The following SNTG2 variants were observed in gnomAD, a reference collection of about 807,000 sequenced individuals.
SNTG2 encodes gamma-2-syntrophin.
A neutral mutation model predicts 70.9 loss-of-function variants in SNTG2; 74 were observed. That is an observed-to-expected ratio of 1.04 (90% CI 0.86 to 1.27). The LOEUF (loss-of-function observed/expected upper bound fraction) is 1.27, where lower values mean the gene tolerates loss of function less well. Among genes scored for constraint, SNTG2 ranks in the 50% most tolerant of loss-of-function variants. SNTG2 has a pLI of 0.00. For missense variants in SNTG2, 717 were observed against 690.7 expected, an observed-to-expected ratio of 1.04 and a Z score of -0.43; for synonymous variants, 278 against 273.8, an observed-to-expected ratio of 1.02 and a Z score of -0.15.
chr2:1,331,583 A>T (rs1247745458), intron 16 of SNTG2, among the ~76,000 whole-genome samples: 1 of 152,114 alleles, frequency 6.6e-6, no homozygotes, highest in African/African-American at 2.4e-5. Flanking sequence ...TGGGTCTGAG[A>T]GTCCCACCCA....
chr2:1,342,014 TTTA>T (rs1660124860), intron 16 of SNTG2, among the ~76,000 whole-genome samples: 1 of 152,078 alleles, frequency 6.6e-6, no homozygotes, highest in African/African-American at 2.4e-5. Context: ...CCCAGCCTGT[TTTA>T]TTTTCTTTTA....
intron 9 of SNTG2, among the ~76,000 whole-genome samples, chr2:1,229,261 G>A (rs547960750): frequency 2.6e-5 from 4 of 152,184 alleles, no homozygotes; most frequent in East Asian, 1.9e-4. Flanking sequence ...TGATTGGTGC[G>A]TTTACAATCC....
rs1666283924 is a variant in SNTG2 at position 1,109,278 on chromosome 2, C to G, written c.325+10868C>G. Among the ~76,000 whole-genome samples the G allele has an allele frequency of 2.0e-5, 3 of 152,068 alleles. No individual in the cohort carries two copies. In the South Asian group the frequency reaches 6.2e-4, roughly 32 times the overall value. ...AAATGAGGAAGAATGAAGCTCTCCT[C>G]TATGACTGGATGGAATTTACATGTG... On this transcript the variant is annotated intron_variant, in intron 4 of 16. Transcript: ENST00000308624.
Position 1,237,916 on chromosome 2 carries a change from G to A in SNTG2, c.748G>A (p.Asp250Asn), listed in dbSNP as rs748022480. The change falls in exon 10 of 17, where the codon GAC becomes AAC. Residue 250 changes from aspartate to asparagine, a missense_variant. Asp to Asn is a conservative substitution (Grantham distance 23, BLOSUM62 1). Transcript: ENST00000308624. ...GAATGCGTTCGAGGTGCTCGCCCTG[G>A]ACGGAGTCAGCTCTGGGATCCTCCG... is the stretch of plus-strand genomic sequence containing the variant. ...RWNAFEVLALDGVSSGILRFY... is the reference protein window; with the variant it reads ...RWNAFEVLALNGVSSGILRFY... 6 of 1,606,070 alleles carry A rather than the reference G, an allele frequency of 3.7e-6. No homozygotes were observed. The Admixed American group carries it at 8.5e-5, about 23-fold the overall frequency.
At chr2:968,734 G>C (rs1389945160) in intron 1 of SNTG2, among the ~76,000 whole-genome samples, 1 of 151,886 alleles carries the variant, frequency 6.6e-6, no homozygotes, top group Non-Finnish European at 1.5e-5. Flanking sequence ...TTTGCTTATT[G>C]ATCTGTTGAA....
At chr2:1,262,645 A>G (rs1321439287) in intron 13 of SNTG2, among the ~76,000 whole-genome samples, 2 of 152,112 alleles carry the variant, frequency 1.3e-5, no homozygotes, top group African/African-American at 4.8e-5. Context: ...GGCTCAGTCC[A>G]GACGTAGTAA....
intron 16 of SNTG2, among the ~76,000 whole-genome samples, chr2:1,318,568 C>G (rs1352831315): frequency 6.6e-6 from 1 of 152,248 alleles, no homozygotes; most frequent in African/African-American, 2.4e-5. Context: ...AGTGCCTGAG[C>G]AGGCAAGGCG....
chr2:1,316,501 C>T (rs1350607435), intron 16 of SNTG2, 126 bp downstream of exon 16: 8 of 232,668 alleles, frequency 3.4e-5, no homozygotes, highest in South Asian at 1.0e-4. Flanking sequence ...TCCTGAAGCA[C>T]GAGTCCTTCC....
intron 1 of SNTG2, among the ~76,000 whole-genome samples, chr2:956,274 C>T (rs1337346017): frequency 6.8e-6 from 1 of 147,386 alleles, no homozygotes; most frequent in East Asian, 2.1e-4. Context: ...CCTGCCCTGC[C>T]CCTGCACCTC....
rs1185632075 is a variant in SNTG2, at chr2:1,284,196, AT to A, written c.1284+16628del. On this transcript the variant is annotated intron_variant, in intron 14 of 16. Coordinates refer to ENST00000308624, the MANE Select transcript of SNTG2 (RefSeq NM_018968.4). ...TAAGAGCGCTGGTGGTAATGTTTCT[AT>A]TTCTGCTCCGTCATTCATTTCAGGG... Among the ~76,000 whole-genome samples, 9 of 152,276 alleles carry A rather than the reference AT, an allele frequency of 5.9e-5. No individual in the cohort carries two copies. In the East Asian group the frequency reaches 9.7e-4, roughly 16 times the overall value.
chr2:1,198,019 C>T (rs1026770918), intron 8 of SNTG2, among the ~76,000 whole-genome samples: 3 of 152,012 alleles, frequency 2.0e-5, no homozygotes, highest in East Asian at 1.9e-4. Context: ...CAGATATTTA[C>T]AGAATTTTTT....
intron 9 of SNTG2, among the ~76,000 whole-genome samples, chr2:1,224,801 A>G (rs1675658741): frequency 6.6e-6 from 1 of 152,138 alleles, no homozygotes; most frequent in South Asian, 2.1e-4. Flanking sequence ...GCCTCACTCT[A>G]TGGCTCATTT....
intron 6 of SNTG2, among the ~76,000 whole-genome samples, chr2:1,149,672 GTTTTTT>G (rs1221169268): frequency 6.8e-6 from 1 of 146,470 alleles, no homozygotes; most frequent in Non-Finnish European, 1.5e-5. Context: ...GTTGATTAGC[GTTTTTT>G]TTTTTTTTTT....
intron 1 of SNTG2, among the ~76,000 whole-genome samples, chr2:1,004,248 G>T (rs1035878516): frequency 2.0e-4 from 31 of 152,152 alleles, no homozygotes; most frequent in Admixed American, 9.2e-4. Flanking sequence ...AGATAACACA[G>T]GAAAAGCCTG....
At chr2:1,280,104 T>G (rs991553898) in intron 14 of SNTG2, among the ~76,000 whole-genome samples, 3 of 152,196 alleles carry the variant, frequency 2.0e-5, no homozygotes, top group Admixed American at 2.0e-4. Context: ...CTTTTTTGAA[T>G]TATTTAAAAA....
chr2:1,090,435 T>G (rs1043721593), intron 2 of SNTG2, among the ~76,000 whole-genome samples: 5 of 152,238 alleles, frequency 3.3e-5, no homozygotes, highest in Non-Finnish European at 7.3e-5. Context: ...TGATTCTTGC[T>G]TCCTTGGAGG....
intron 14 of SNTG2, 79 bp from the exon 15 acceptor site, chr2:1,308,415 G>T (rs780473359): frequency 6.2e-5 from 79 of 1,283,684 alleles, no homozygotes; most frequent in Non-Finnish European, 8.3e-5. Flanking sequence ...ACCAAAGGGG[G>T]GTTAATATGG....
At chr2:1,148,368 G>A (rs896705169) in intron 6 of SNTG2, among the ~76,000 whole-genome samples, 1 of 152,220 alleles carries the variant, frequency 6.6e-6, no homozygotes, top group Admixed American at 6.5e-5. Context: ...GGACATGAAG[G>A]CGACATCACC....
intron 9 of SNTG2, among the ~76,000 whole-genome samples, chr2:1,221,430 T>C (rs1674804337): frequency 1.3e-5 from 2 of 151,130 alleles, no homozygotes; most frequent in Non-Finnish European, 1.5e-5. Context: ...TGTCTCTGTC[T>C]CTCTCTGTCT....
Sources: gnomAD v4.1 joint callset for allele counts (sites outside exome capture counted in the v4.1 genomes callset) on GRCh38, gnomAD v4.1.1 for gene constraint, MANE v1.5 for transcripts, NCBI Gene and HGNC (gene_info 2026-07-23, HGNC 2026-07-21) for gene names.